Variants in ZBBX observed in about 807,000 individuals in gnomAD.
The protein encoded by ZBBX is zinc finger B-box domain-containing protein 1.
ZBBX carries 101 observed loss-of-function variants against 108.5 expected under a neutral mutation model. That is an observed-to-expected ratio of 0.93 (90% CI 0.79 to 1.10). The LOEUF is 1.10. ZBBX is among the 50% of genes least tolerant of loss of function. The pLI, the probability that ZBBX is intolerant of heterozygous loss-of-function variation, is 0.00. For missense variants in ZBBX, 1,009 were observed against 941.4 expected (o/e 1.07, Z -0.94); for synonymous variants, 356 against 323.4 (o/e 1.10, Z -1.08).
intron 17 of ZBBX, among the ~76,000 whole-genome samples, chr3:167,304,910 G>C (rs1657221166): frequency 1.2e-5 from 1 of 85,216 alleles, no homozygotes; most frequent in Non-Finnish European, 3.3e-5. Flanking sequence ...CCTCCAAGCA[G>C]AAGTAGCAGC....
the ZBBX span, among the ~76,000 whole-genome samples, chr3:167,224,679 A>T: frequency 6.6e-6 from 1 of 151,942 alleles, no homozygotes; most frequent in Non-Finnish European, 1.5e-5. Context: ...GGTAGTTTTA[A>T]CTCTGGCAAA....
At chr3:167,213,455 T>C in the ZBBX span, among the ~76,000 whole-genome samples, 2,119 of 152,070 alleles carry the variant, frequency 0.014, 54 homozygotes, top group African/African-American at 0.048. Flanking sequence ...CAGAATTTGA[T>C]GACTGGTTCT....
chr3:167,252,106 T>A (rs1371597140), intron 20 of ZBBX: 1 of 1,273,116 alleles, frequency 7.9e-7, no homozygotes, highest in South Asian at 1.2e-5. Context: ...GCAATTTGAA[T>A]CAAAGGAGAA....
At chr3:167,309,250 C>A (rs1427292944) in intron 16 of ZBBX, among the ~76,000 whole-genome samples, 2 of 152,196 alleles carry the variant, frequency 1.3e-5, no homozygotes, top group Admixed American at 1.3e-4. Context: ...AACTTGCTGT[C>A]TAACACCACT....
chr3:167,287,858 C>G (rs1046283324), intron 19 of ZBBX, among the ~76,000 whole-genome samples: 1 of 152,038 alleles, frequency 6.6e-6, no homozygotes, highest in Non-Finnish European at 1.5e-5. Context: ...CTGACAGATT[C>G]TCAACATAAA....
chr3:167,314,209 G>C, intron 15 of ZBBX, 93 bp from the exon 16 acceptor site: 2 of 1,071,856 alleles, frequency 1.9e-6, no homozygotes, highest in Non-Finnish European at 2.6e-6. Context: ...AACAAATATA[G>C]TAAAACTTTA....
chr3:167,363,117 G>T (rs2108553654), intron 6 of ZBBX, among the ~76,000 whole-genome samples: 1 of 151,944 alleles, frequency 6.6e-6, no homozygotes, highest in South Asian at 2.1e-4. Context: ...AAGTTTTTCA[G>T]TGCCAACCTC....
intron 1 of ZBBX, among the ~76,000 whole-genome samples, chr3:167,387,495 G>C (rs1274715130): frequency 6.6e-6 from 1 of 151,960 alleles, no homozygotes; most frequent in Non-Finnish European, 1.5e-5. Context: ...ACATCATACT[G>C]GTATGGAGCG....
the ZBBX span, among the ~76,000 whole-genome samples, chr3:167,197,989 C>T: frequency 6.6e-6 from 1 of 152,086 alleles, no homozygotes; most frequent in African/African-American, 2.4e-5. Context: ...TGCTTACAGG[C>T]TATTTTACAA....
At chr3:167,366,173 T>C (rs536728519) in intron 5 of ZBBX, among the ~76,000 whole-genome samples, 197 bp from the exon 6 acceptor site, 28 of 152,036 alleles carry the variant, frequency 1.8e-4, no homozygotes, top group Non-Finnish European at 3.7e-4. Flanking sequence ...ATCATATTTA[T>C]GACCTTTGTG....
chr3:167,204,934 T>G, the ZBBX span, among the ~76,000 whole-genome samples: 1 of 151,362 alleles, frequency 6.6e-6, no homozygotes, highest in East Asian at 1.9e-4. Context: ...TCAGTTTTCT[T>G]GCAGGAGAAA....
At chr3:167,253,685 G>A (rs1289285150) in intron 20 of ZBBX, among the ~76,000 whole-genome samples, 1 of 152,126 alleles carries the variant, frequency 6.6e-6, no homozygotes, top group East Asian at 1.9e-4. Flanking sequence ...ATTTCAGGAA[G>A]AATTTAGTTT....
the ZBBX span, among the ~76,000 whole-genome samples, chr3:167,221,556 A>G: frequency 6.6e-6 from 1 of 151,966 alleles, no homozygotes; most frequent in East Asian, 1.9e-4. Context: ...ACCTCAAAAC[A>G]TGAAACTACT....
chr3:167,247,663 G>A (rs1457406923), intron 20 of ZBBX, among the ~76,000 whole-genome samples: 2 of 152,142 alleles, frequency 1.3e-5, no homozygotes, highest in South Asian at 4.1e-4. Context: ...AGACACTGTC[G>A]TTAAGTGTCT....
chr3:167,335,506 C>A (rs1739403301), intron 9 of ZBBX, among the ~76,000 whole-genome samples: 1 of 151,878 alleles, frequency 6.6e-6, no homozygotes, highest in East Asian at 1.9e-4. Context: ...GAGAACTTGG[C>A]ATGAGGAAGA....
intron 11 of ZBBX, among the ~76,000 whole-genome samples, chr3:167,325,996 T>C (rs914688749): frequency 6.6e-6 from 1 of 152,144 alleles, no homozygotes; most frequent in Admixed American, 6.6e-5. Flanking sequence ...AGTTTGACAA[T>C]ATTCATTAAA....
intron 20 of ZBBX, among the ~76,000 whole-genome samples, chr3:167,264,226 C>T (rs559800527): frequency 5.3e-5 from 8 of 152,180 alleles, no homozygotes; most frequent in Admixed American, 2.0e-4. Flanking sequence ...TTGATAAGGA[C>T]TTACTCCTGC....
intron 20 of ZBBX, chr3:167,248,777 A>G (rs1052784437): frequency 5.2e-6 from 2 of 381,826 alleles, no homozygotes; most frequent in African/African-American, 2.1e-5. Context: ...TGGCATAAAC[A>G]GGCTCAGGAA....
At chr3:167,407,796 A>C (rs150463784) in exon 1 of ZBBX, among the ~76,000 whole-genome samples, 43 of 152,084 alleles carry the variant, frequency 2.8e-4, no homozygotes, top group African/African-American at 9.9e-4. Context: ...CAGAGGTGAA[A>C]GCAAATCTCA....
Sources: gnomAD v4.1 joint callset for allele counts (sites outside exome capture counted in the v4.1 genomes callset) on GRCh38, gnomAD v4.1.1 for gene constraint, MANE v1.5 for transcripts, NCBI Gene and HGNC (gene_info 2026-07-23, HGNC 2026-07-21) for gene names.